The following RELN variants were observed in gnomAD, a reference collection of about 807,000 sequenced individuals.
RELN encodes the protein reelin.
A neutral mutation model predicts 427.6 loss-of-function variants in RELN; 108 were observed. The ratio of observed to expected loss-of-function variants is 0.25; its 90% CI spans 0.22 to 0.30. The LOEUF is 0.30. Among genes scored for constraint, RELN ranks in the 10% least tolerant of loss-of-function variants. The pLI, the probability that RELN is intolerant of heterozygous loss-of-function variation, is 1.00. For synonymous variants in RELN, 1,524 were observed against 1,513.4 expected (o/e 1.01, Z -0.16); for missense variants, 3,715 against 4,302.8 (o/e 0.86, Z 3.82).
chr7:103,748,706 TATTAC>T (rs925025957), intron 6 of RELN, among the ~76,000 whole-genome samples: 2 of 152,248 alleles, frequency 1.3e-5, no homozygotes, highest in Non-Finnish European at 2.9e-5. Flanking sequence ...TAGTCTTGAG[TATTAC>T]ATTACTTGAA....
In RELN at chr7:103,566,248, C is replaced by A. The variant is rs778831369; in HGVS notation, c.4912G>T (p.Ala1638Ser). 1.2e-6 allele frequency: 2 copies of A among 1,613,694 alleles called. No homozygotes were observed. The highest frequency in any genetic ancestry group is 1.7e-6 in the Non-Finnish European group (2 of 1,179,662). The change falls in exon 33 of 65, where the codon GCT becomes TCT. Residue 1638 changes from alanine (A) to serine (S), a missense_variant. Physicochemically the swap from Ala to Ser is moderately conservative, Grantham distance 99. Around this residue, in one of 4 missense-constraint regions of RELN, gnomAD observed 2,208 missense variants for 2,361.7 expected, o/e 0.93. Coordinates refer to ENST00000428762, the MANE Select transcript of RELN (RefSeq NM_005045.4). ...VDIDCLSMDT[A>S]LIFTENIGKP... is the part of the protein sequence containing the mutation. ...CCTATGTTTTCAGTGAATATCAGAG[C>A]AGTATCCATAGAGAGACAGTCAATA...
At chr7:103,917,452 G>A (rs535957161) in intron 1 of RELN, among the ~76,000 whole-genome samples, 73 of 151,958 alleles carry the variant, frequency 4.8e-4, no homozygotes, top group African/African-American at 1.7e-3. Flanking sequence ...ACAATCATCT[G>A]AAAATAATGT....
intron 1 of RELN, among the ~76,000 whole-genome samples, chr7:103,963,011 G>C (rs1796590202): frequency 1.3e-5 from 2 of 152,152 alleles, no homozygotes; most frequent in Admixed American, 1.3e-4. Flanking sequence ...AGGTGTGCCA[G>C]AGAAGGAAAC....
intron 11 of RELN, among the ~76,000 whole-genome samples, chr7:103,663,588 C>G (rs184293342): frequency 7.9e-5 from 12 of 152,306 alleles, no homozygotes; most frequent in Non-Finnish European, 2.9e-5. Context: ...TCAGGCAGGT[C>G]TGACCACCAC....
chr7:103,827,826 A>T (rs1026534129), intron 3 of RELN, among the ~76,000 whole-genome samples: 1 of 152,070 alleles, frequency 6.6e-6, no homozygotes, highest in African/African-American at 2.4e-5. Flanking sequence ...GAAAAAAAAG[A>T]CGTGATTTAA....
At chr7:103,924,945 C>T (rs1438977998) in intron 1 of RELN, among the ~76,000 whole-genome samples, 1 of 150,924 alleles carries the variant, frequency 6.6e-6, no homozygotes, top group African/African-American at 2.4e-5. Context: ...CCCAACCCAC[C>T]CTACAAGCAC....
chr7:103,703,944 G>C (rs375645333), intron 8 of RELN, among the ~76,000 whole-genome samples: 65 of 152,154 alleles, frequency 4.3e-4, no homozygotes, highest in African/African-American at 1.4e-3. Context: ...AAGTGACTAA[G>C]GGTTTCTAAG....
intron 11 of RELN, among the ~76,000 whole-genome samples, chr7:103,673,648 G>A (rs1833444098): frequency 6.6e-6 from 1 of 152,082 alleles, no homozygotes; most frequent in South Asian, 2.1e-4. Context: ...TGAATCCTGT[G>A]TGTCTATAAC....
At chr7:103,975,903 T>C (rs10230806) in intron 1 of RELN, among the ~76,000 whole-genome samples, 80,979 of 151,534 alleles carry the variant, frequency 0.53, 21,932 homozygotes, top group African/African-American at 0.63. Flanking sequence ...AAGGTGACAT[T>C]TGAGTATGGA....
At chr7:103,624,833 C>T (rs530311830) in intron 20 of RELN, among the ~76,000 whole-genome samples, 19 of 152,086 alleles carry the variant, frequency 1.2e-4, no homozygotes, top group South Asian at 2.1e-4. Context: ...AAATGACCAA[C>T]GGATGACTAG....
At chr7:103,522,663 T>C (rs1829735584) in intron 47 of RELN, among the ~76,000 whole-genome samples, 1 of 152,194 alleles carries the variant, frequency 6.6e-6, no homozygotes, top group Non-Finnish European at 1.5e-5. Flanking sequence ...AAGACTGACT[T>C]CCCTGTTTAG....
At chr7:103,935,011 C>T (rs1300961433) in intron 1 of RELN, among the ~76,000 whole-genome samples, 3 of 152,170 alleles carry the variant, frequency 2.0e-5, no homozygotes, top group Admixed American at 6.5e-5. Context: ...TGTGGCTACA[C>T]AAGAAAAGCC....
intron 60 of RELN, among the ~76,000 whole-genome samples, chr7:103,489,231 C>A (rs567077793): frequency 0.019 from 2,136 of 113,610 alleles, 63 homozygotes; most frequent in African/African-American, 0.084. Context: ...TGTGTGTGTC[C>A]GTGTCACAGT....
chr7:103,746,379 A>T (rs981708664), intron 6 of RELN, among the ~76,000 whole-genome samples: 1 of 152,196 alleles, frequency 6.6e-6, no homozygotes, highest in South Asian at 2.1e-4. Flanking sequence ...TGTCTAAAAC[A>T]CCAAAAGCAA....
intron 20 of RELN, among the ~76,000 whole-genome samples, chr7:103,614,886 G>C (rs1445016928): frequency 6.6e-6 from 1 of 152,076 alleles, no homozygotes; most frequent in Non-Finnish European, 1.5e-5. Context: ...GATTGTTTCT[G>C]GTTTATTCAA....
intron 6 of RELN, among the ~76,000 whole-genome samples, chr7:103,749,053 T>C (rs985973410): frequency 2.0e-5 from 3 of 152,204 alleles, no homozygotes; most frequent in Non-Finnish European, 4.4e-5. Context: ...CCTAATAATT[T>C]AGAAATTATT....
chr7:103,658,056 A>T lies in RELN; in HGVS notation c.1441+3320T>A, dbSNP rs1475762298. Among the ~76,000 whole-genome samples the T allele has an allele frequency of 2.6e-5, 4 of 152,240 alleles. No homozygotes were observed. The South Asian group carries it at 8.3e-4, about 32-fold the overall frequency. On this transcript the variant is annotated intron_variant, in intron 12 of 64. Transcript: ENST00000428762. Reference sequence around the variant, plus strand: ...CAGATGCCTAGTAAATATTTGTTGGAGGAACAATAAACAAATACACGAATG... The same window carrying T: ...CAGATGCCTAGTAAATATTTGTTGGTGGAACAATAAACAAATACACGAATG...
intron 3 of RELN, among the ~76,000 whole-genome samples, chr7:103,825,977 C>T (rs1563035492): frequency 6.6e-6 from 1 of 151,890 alleles, no homozygotes; most frequent in East Asian, 1.9e-4. Context: ...GAGGTAGGAC[C>T]TTTAAGAAGT....
chr7:103,639,811 T>A (rs1288112265), intron 17 of RELN, among the ~76,000 whole-genome samples: 1 of 151,702 alleles, frequency 6.6e-6, no homozygotes, highest in South Asian at 2.1e-4. Flanking sequence ...AAAAGTAGAC[T>A]AGATGATCAG....
Sources: allele counts gnomAD v4.1 joint callset (sites outside exome capture counted in the v4.1 genomes callset), GRCh38; gene constraint gnomAD v4.1.1; regional missense constraint gnomAD v4.1.1; transcripts MANE v1.5; gene names NCBI Gene and HGNC (gene_info 2026-07-23, HGNC 2026-07-21).